The following XAF1 variants were observed in gnomAD, a reference collection of about 807,000 sequenced individuals.
The protein encoded by XAF1 is XIAP associated factor 1.
A neutral mutation model predicts 32.3 loss-of-function variants in XAF1; 32 were observed. The ratio of observed to expected loss-of-function variants is 0.99; its 90% confidence interval spans 0.75 to 1.33. XAF1 has a LOEUF of 1.33. Ranked by LOEUF, XAF1 falls within the 40% of genes most tolerant of loss-of-function variation. The probability of loss-of-function intolerance (pLI) is 0.00; values close to 1 mark genes in which losing one functional copy is unlikely to be tolerated. For missense variants in XAF1, 379 were observed against 366.0 expected (o/e 1.04, Z -0.29); for synonymous variants, 120 against 125.9 (o/e 0.95, Z 0.31).
At position 6,759,822 on chromosome 17, in the gene XAF1, A is replaced by G. The variant is rs756515473; in HGVS notation, c.225+104A>G. On this transcript the variant is annotated intron_variant, in intron 3 of 6. Coordinates refer to ENST00000361842, the MANE Select transcript of XAF1 (RefSeq NM_017523.5). ...CAGTAATAGAGATTTCCACCTGACCACTCTTTTCACCCCATTAGGCTTGGA... is the reference window on the plus strand; with the variant it reads ...CAGTAATAGAGATTTCCACCTGACCGCTCTTTTCACCCCATTAGGCTTGGA... 6.0e-4 allele frequency: 946 copies of G among 1,574,136 alleles called. 2 individuals are homozygous for G. Among genetic ancestry groups the G allele is most frequent in the Non-Finnish European group, 6.6e-4 (769 of 1,163,658 alleles).
At chr17:6,763,901 G>A (rs1159367291) in intron 5 of XAF1, among the ~76,000 whole-genome samples, 1 of 152,180 alleles carries the variant, frequency 6.6e-6, no homozygotes, top group Non-Finnish European at 1.5e-5. Flanking sequence ...CCTTAGTACT[G>A]ATGTTTATTC....
intron 6 of XAF1, 61 bp from the exon 7 acceptor site, chr17:6,773,052 T>G: frequency 7.1e-7 from 1 of 1,411,424 alleles, no homozygotes; most frequent in South Asian, 1.2e-5. Flanking sequence ...TCCAGAGATA[T>G]TCTAGGAGCT....
chr17:6,761,864 A>G (rs1389753199), intron 4 of XAF1: 1 of 1,421,556 alleles, frequency 7.0e-7, no homozygotes, highest in Non-Finnish European at 9.3e-7. Context: ...ATCCGTGGCT[A>G]CAGCTCCATT....
At chr17:6,769,382 T>C (rs920146683) in intron 5 of XAF1, among the ~76,000 whole-genome samples, 3 of 152,230 alleles carry the variant, frequency 2.0e-5, no homozygotes, top group African/African-American at 4.8e-5. Flanking sequence ...TATTAAAATA[T>C]CACATTGTAC....
intron 5 of XAF1, among the ~76,000 whole-genome samples, chr17:6,768,861 C>A (rs1239208566): frequency 6.6e-6 from 1 of 152,140 alleles, no homozygotes; most frequent in Non-Finnish European, 1.5e-5. Flanking sequence ...TTGCTTTTCT[C>A]CTGCTCAGGA....
chr17:6,773,239 C>A lies in XAF1; in HGVS notation c.*70C>A. 1.4e-6 allele frequency: 2 copies of A among 1,398,238 alleles called. No homozygotes were observed. Among genetic ancestry groups the A allele is most frequent in the Admixed American group, 2.2e-5 (1 of 45,726 alleles). 86.6% of individuals were successfully genotyped at this position (1,398,238 alleles called of 1,614,324 possible). The stretch of plus-strand genomic sequence containing the variant: ...TAACACTGGCATTCCTGCCTACTTG[C>A]TGTGGTGGTCTTGTGAAAGGTGATG... On this transcript the variant is annotated 3_prime_UTR_variant, in exon 7 of 7. Transcript: ENST00000361842.
At chr17:6,756,141 C>G (rs377725551) in intron 1 of XAF1, 31 bp downstream of exon 1, 1 of 1,613,772 alleles carries the variant, frequency 6.2e-7, no homozygotes, top group Non-Finnish European at 8.5e-7. Flanking sequence ...GCGGCAGACC[C>G]GGGCTGGCGA....
intron 5 of XAF1, among the ~76,000 whole-genome samples, chr17:6,763,861 G>A (rs370320932): frequency 1.3e-5 from 2 of 152,302 alleles, no homozygotes; most frequent in East Asian, 3.9e-4. Flanking sequence ...AGCCTTGGCT[G>A]TACGTGGAAA....
At chr17:6,755,601 G>T (rs1032614676), upstream of XAF1, 20 of 1,011,554 alleles carry the variant, frequency 2.0e-5, no homozygotes, top group Non-Finnish European at 2.1e-5. Context: ...GGTCCTCACC[G>T]CCTGGAAGTC....
chr17:6,759,606 G>A (rs911894267), intron 2 of XAF1, 56 bp from the exon 3 acceptor site: 2 of 1,606,240 alleles, frequency 1.2e-6, no homozygotes, highest in African/African-American at 1.3e-5. Context: ...GGCAGGCCCT[G>A]GGTGCTGGGT....
In XAF1 at chr17:6,773,200, A is replaced by G. The variant is rs1597763167; in HGVS notation, c.*31A>G. 2 of 1,584,198 alleles carry G rather than the reference A, an allele frequency of 1.3e-6. No individual in the cohort carries two copies. The highest frequency in any genetic ancestry group is 2.3e-5 in the East Asian group (1 of 43,906). The stretch of plus-strand genomic sequence containing the variant: ...GAAAAGGAAAGGTACTACAAATTCA[A>G]AAGATTTCACTTTTAACACTGGCAT... On this transcript the variant is annotated 3_prime_UTR_variant, in exon 7 of 7. Transcript: ENST00000361842.
intron 3 of XAF1, 44 bp from the exon 4 acceptor site, chr17:6,760,362 A>C (rs1035863234): frequency 6.3e-5 from 95 of 1,496,352 alleles, no homozygotes; most frequent in Non-Finnish European, 8.3e-5. Flanking sequence ...AAAAAAAAAA[A>C]AAAAAAGGGC....
intron 3 of XAF1, among the ~76,000 whole-genome samples, chr17:6,760,071 C>G (rs957563585): frequency 6.6e-6 from 1 of 152,188 alleles, no homozygotes; most frequent in Non-Finnish European, 1.5e-5. Flanking sequence ...AGTGATCGGC[C>G]AGGCGCAGTG....
At chr17:6,759,227 T>C in intron 2 of XAF1, 1 of 1,066,566 alleles carries the variant, frequency 9.4e-7, no homozygotes, top group Non-Finnish European at 1.1e-6. Context: ...CTACCTCCAG[T>C]TTTCCTATTT....
chr17:6,756,333 C>T, intron 1 of XAF1: 2 of 1,350,494 alleles, frequency 1.5e-6, no homozygotes, highest in Non-Finnish European at 9.7e-7. Flanking sequence ...CCCCTTTCCC[C>T]CAAATGTTAG....
At chr17:6,766,539 A>G (rs55740679) in intron 5 of XAF1, among the ~76,000 whole-genome samples, 12,471 of 152,214 alleles carry the variant, frequency 0.082, 634 homozygotes, top group East Asian at 0.13. Flanking sequence ...CACACCTCCA[A>G]AGTTCTTCAT....
rs200575955 is a variant in XAF1 at position 6,762,115 on chromosome 17, A to G, written c.422-40A>G. ...TGGGAGAGCTGGGCTAGCCGTTGAC[A>G]AGGACAATCATTTGTGGTGTTGTTT... On this transcript the variant is annotated intron_variant, in intron 4 of 6. Transcript: ENST00000361842. 9 of 1,611,522 alleles carry G rather than the reference A, an allele frequency of 5.6e-6. No individual in the cohort carries two copies. The East Asian group carries it at 1.8e-4, about 32-fold the overall frequency.
rs1306318089 is a variant in XAF1, at chr17:6,760,397, C to T, written c.226-9C>T. On this transcript the variant is annotated splice_polypyrimidine_tract_variant and intron_variant, in intron 3 of 6. Transcript: ENST00000361842. ...CCAGTGATCATGCCCTTCCTGCTGC[C>T]TCCCACAGGCCAATGAGTGCCAGGA... The T allele has an allele frequency of 6.2e-7, 1 of 1,606,962 alleles. No homozygotes were observed. The highest frequency in any genetic ancestry group is 1.7e-5 in the Admixed American group (1 of 59,384).
intron 1 of XAF1, among the ~76,000 whole-genome samples, chr17:6,756,799 CGCTGCCT>C (rs1974711387): frequency 6.6e-6 from 1 of 152,020 alleles, no homozygotes; most frequent in Non-Finnish European, 1.5e-5. Context: ...CCTGTGTGCC[CGCTGCCT>C]GGGCAGAAGA....
Sources: gnomAD v4.1 joint callset for allele counts (sites outside exome capture counted in the v4.1 genomes callset) on GRCh38, gnomAD v4.1.1 for gene constraint, MANE v1.5 for transcripts, NCBI Gene and HGNC (gene_info 2026-07-23, HGNC 2026-07-21) for gene names.